The following TMEM38A variants were observed in gnomAD, a reference collection of about 807,000 sequenced individuals.
TMEM38A encodes trimeric intracellular cation channel type A.
Under a neutral mutation model 28.6 loss-of-function variants are expected in TMEM38A, and 17 were observed. That is an observed-to-expected ratio of 0.60 (90% CI 0.41 to 0.89). TMEM38A has a LOEUF of 0.89. TMEM38A is among the 40% of genes least tolerant of loss of function. The pLI is 0.00. For synonymous variants in TMEM38A, 169 were observed against 166.1 expected (o/e 1.02, Z -0.14); for missense variants, 328 against 393.1 (o/e 0.83, Z 1.40).
chr19:16,663,019 G>A (rs1168726834), intron 1 of TMEM38A, among the ~76,000 whole-genome samples: 2 of 151,672 alleles, frequency 1.3e-5, no homozygotes, highest in Admixed American at 6.6e-5. Flanking sequence ...AGTGGCTCAC[G>A]CCTGTAATCC....
In TMEM38A at chr19:16,688,230, C is replaced by T. The variant is rs376275749; in HGVS notation, c.759C>T (p.Cys253=). 17 of 1,591,880 alleles carry T rather than the reference C, an allele frequency of 1.1e-5. No individual in the cohort carries two copies. The highest frequency in any genetic ancestry group is 5.4e-5 in the African/African-American group (4 of 73,918). Residue 253 remains cysteine (C), a synonymous_variant, in exon 6 of 6, where the codon TGC becomes TGT. Coordinates refer to ENST00000187762, the MANE Select transcript of TMEM38A (RefSeq NM_024074.4). Reference sequence around the variant, plus strand: ...GCCCCGTGCTGTTTGGTTCGGCCTGCGGGGGTGACCATCACCACGACAACC... The same window carrying T: ...GCCCCGTGCTGTTTGGTTCGGCCTGTGGGGGTGACCATCACCACGACAACC... The part of the protein sequence containing the change: ...YICPVLFGSA[C]GGDHHHDNHG...
At chr19:16,680,241 C>T (rs941322996) in intron 2 of TMEM38A, 101 bp downstream of exon 2, 1 of 1,516,442 alleles carries the variant, frequency 6.6e-7, no homozygotes, top group East Asian at 2.3e-5. Flanking sequence ...GCACCAGCAA[C>T]AGCCCTCATG....
intron 1 of TMEM38A, among the ~76,000 whole-genome samples, chr19:16,663,062 C>T (rs2086688992): frequency 6.6e-6 from 1 of 151,814 alleles, no homozygotes; most frequent in South Asian, 2.1e-4. Flanking sequence ...GGGCAGATCG[C>T]CTGAGGTCAG....
At position 16,679,667 on chromosome 19, in the gene TMEM38A, G is replaced by A. The variant is rs1490266704; in HGVS notation, c.125-317G>A. The stretch of plus-strand genomic sequence containing the variant: ...CAAGCCTCAGTCTCCTCTTGACAAT[G>A]AGACTCCTGATAATAAAAGCCATCA... On this transcript the variant is annotated intron_variant, in intron 1 of 5. Transcript: ENST00000187762. Among the ~76,000 whole-genome samples the A allele has an allele frequency of 2.0e-5, 3 of 152,218 alleles. No individual in the cohort carries two copies. The East Asian group carries it at 5.8e-4, about 29-fold the overall frequency.
rs140774110 is a variant in TMEM38A, at chr19:16,682,824, C to T, written c.554+316C>T. 1.5e-3 allele frequency among the ~76,000 whole-genome samples: 229 copies of T among 152,280 alleles called. 2 individuals carry two copies. The highest frequency in any genetic ancestry group is 5.3e-3 in the African/African-American group (222 of 41,572). ...CAACTGTGAAATCACAGAAGAGCAG[C>T]AGTGCTGCTGGGTGTGCGGGGTCAG... On this transcript the variant is annotated intron_variant, in intron 4 of 5. Transcript: ENST00000187762.
intron 1 of TMEM38A, among the ~76,000 whole-genome samples, chr19:16,674,875 T>C (rs2086743479): frequency 6.6e-6 from 1 of 152,082 alleles, no homozygotes; most frequent in Non-Finnish European, 1.5e-5. Flanking sequence ...CACAGTTATT[T>C]CTTGAACCCA....
intron 1 of TMEM38A, among the ~76,000 whole-genome samples, chr19:16,678,811 A>G (rs542268263): frequency 1.3e-5 from 2 of 149,172 alleles, no homozygotes; most frequent in South Asian, 2.1e-4. Flanking sequence ...AATTTAATGT[A>G]TATTTTACAA....
intron 3 of TMEM38A, chr19:16,680,863 G>T: frequency 2.4e-6 from 1 of 417,982 alleles, no homozygotes; most frequent in Admixed American, 3.7e-5. Flanking sequence ...ACTGACATGT[G>T]GGGCTGGATC....
Position 16,686,383 on chromosome 19 carries a change from C to T in TMEM38A, c.650C>T (p.Thr217Ile), listed in dbSNP as rs544887682. The part of the protein sequence containing the change: ...VSKASLIFIF[T>I]LFMVSCKVFL... ...AAAGCCAGCCTCATCTTCATCTTCA[C>T]CTTGTTCATGGTGTCCTGTAAGGTA... The change falls in exon 5 of 6, where the codon ACC becomes ATC. Residue 217 changes from threonine to isoleucine, a missense_variant. Thr to Ile is a moderately conservative substitution (Grantham distance 89). Transcript: ENST00000187762. The T allele has an allele frequency of 1.2e-6, 2 of 1,613,648 alleles. No individual in the cohort carries two copies. The highest frequency in any genetic ancestry group is 2.2e-5 in the East Asian group (1 of 44,822).
chr19:16,670,488 C>G (rs2122580842), intron 1 of TMEM38A, among the ~76,000 whole-genome samples: 1 of 152,276 alleles, frequency 6.6e-6, no homozygotes, highest in East Asian at 1.9e-4. Flanking sequence ...TTTCCACCCA[C>G]AGGTACTTTC....
intron 1 of TMEM38A, among the ~76,000 whole-genome samples, chr19:16,675,595 C>T (rs2086747262): frequency 6.8e-6 from 1 of 146,326 alleles, no homozygotes; most frequent in Admixed American, 7.0e-5. Context: ...GTCGCCCAGG[C>T]TGGAGTGCAA....
At chr19:16,662,436 C>CTTTTTTTTTTTTTTTTTTTTTT (rs35226829) in intron 1 of TMEM38A, among the ~76,000 whole-genome samples, 14 of 75,864 alleles carry the variant, frequency 1.8e-4, no homozygotes, top group Non-Finnish European at 1.8e-4. Flanking sequence ...TAAATGCACG[C>CTTTTTTTTTTTTTTTTTTTTTT]TTTTTTTTTT....
At chr19:16,680,861 G>T in intron 3 of TMEM38A, 2 of 427,232 alleles carry the variant, frequency 4.7e-6, no homozygotes, top group Non-Finnish European at 8.7e-6. Context: ...CTACTGACAT[G>T]TGGGGCTGGA....
chr19:16,679,559 C>A (rs555770669), intron 1 of TMEM38A, among the ~76,000 whole-genome samples: 68 of 152,162 alleles, frequency 4.5e-4, no homozygotes, highest in African/African-American at 1.6e-3. Flanking sequence ...TCCCAAAGTG[C>A]TGGGATTACA....
chr19:16,664,883 A>AG (rs1206286418), intron 1 of TMEM38A, among the ~76,000 whole-genome samples: 3 of 151,900 alleles, frequency 2.0e-5, no homozygotes, highest in Non-Finnish European at 4.4e-5. Flanking sequence ...TAATAAAAAA[A>AG]GAATGTCAGC....
At chr19:16,673,312 C>T (rs925408847) in intron 1 of TMEM38A, among the ~76,000 whole-genome samples, 6 of 152,154 alleles carry the variant, frequency 3.9e-5, no homozygotes, top group Admixed American at 6.6e-5. Context: ...AAACTCCTGA[C>T]CTCAAGTGAT....
At position 16,674,030 on chromosome 19, in the gene TMEM38A, G is replaced by A. The variant is rs1434485365; in HGVS notation, c.125-5954G>A. On this transcript the variant is annotated intron_variant, in intron 1 of 5. Transcript: ENST00000187762. ...AAGCCCAGGAGTTTGAGGCTGCAGT[G>A]AGCTATGATTGCATCACTGCACTCC... Among the ~76,000 whole-genome samples, 5 of 152,164 alleles carry A rather than the reference G, an allele frequency of 3.3e-5. No individual in the cohort carries two copies. In the East Asian group the frequency reaches 9.7e-4, roughly 29 times the overall value.
chr19:16,670,639 A>G (rs964942863), intron 1 of TMEM38A, among the ~76,000 whole-genome samples: 4 of 152,096 alleles, frequency 2.6e-5, no homozygotes, highest in Non-Finnish European at 4.4e-5. Context: ...CAAGATGAGC[A>G]TCGAAAGTCC....
chr19:16,668,502 CAAA>C (rs1215843373), intron 1 of TMEM38A, among the ~76,000 whole-genome samples: 12 of 73,690 alleles, frequency 1.6e-4, no homozygotes, highest in Admixed American at 1.6e-4. Context: ...GACTCTGTCT[CAAA>C]AAAAAAAAAA....
Sources: gnomAD v4.1 joint callset for allele counts (sites outside exome capture counted in the v4.1 genomes callset) on GRCh38, gnomAD v4.1.1 for gene constraint, MANE v1.5 for transcripts, NCBI Gene and HGNC (gene_info 2026-07-23, HGNC 2026-07-21) for gene names.